The following CRYBA4 variants were observed in gnomAD, a reference collection of about 807,000 sequenced individuals.
CRYBA4 encodes the protein crystallin beta A4, also known as beta-crystallin A4.
A neutral mutation model predicts 31.7 loss-of-function variants in CRYBA4; 30 were observed. That is an observed-to-expected ratio of 0.95 (90% CI 0.71 to 1.28). The LOEUF (loss-of-function observed/expected upper bound fraction) is 1.28. CRYBA4 is among the 50% of genes most tolerant of loss of function. The pLI, the probability that CRYBA4 is intolerant of heterozygous loss-of-function variation, is 0.00. For missense variants in CRYBA4, 225 were observed against 260.7 expected (o/e 0.86, Z 0.94); for synonymous variants, 102 against 102.3 (o/e 1.00, Z 0.02).
At chr22:26,614,024 A>G in the CRYBA4 span, among the ~76,000 whole-genome samples, 2 of 152,204 alleles carry the variant, frequency 1.3e-5, no homozygotes, top group African/African-American at 4.8e-5. Context: ...CAGGCTTATT[A>G]GGAAGAGGAA....
chr22:26,610,007 C>G, the CRYBA4 span, among the ~76,000 whole-genome samples: 1 of 152,058 alleles, frequency 6.6e-6, no homozygotes, highest in Admixed American at 6.6e-5. Context: ...AACTGGAGGT[C>G]TAGGCTTCTG....
At chr22:26,612,780 G>GCTCCCA in the CRYBA4 span, among the ~76,000 whole-genome samples, 2,825 of 152,278 alleles carry the variant, frequency 0.019, 79 homozygotes, top group African/African-American at 0.065. Flanking sequence ...CCAGCTTGGA[G>GCTCCCA]CTCCCACTGC....
chr22:26,599,652 A>G, the CRYBA4 span: 3 of 1,614,144 alleles, frequency 1.9e-6, no homozygotes, highest in East Asian at 2.2e-5. Context: ...CGCGGTAGCC[A>G]GGATACTGAT....
the CRYBA4 span, among the ~76,000 whole-genome samples, chr22:26,611,696 G>A: frequency 3.9e-4 from 59 of 152,052 alleles, no homozygotes; most frequent in African/African-American, 1.3e-3. Context: ...GGATGGTCTC[G>A]ATCTCCTGAC....
At chr22:26,606,108 G>A in the CRYBA4 span, among the ~76,000 whole-genome samples, 11 of 152,206 alleles carry the variant, frequency 7.2e-5, no homozygotes, top group South Asian at 2.1e-4. Flanking sequence ...GGCCAGGGAA[G>A]CCAAAATATT....
At position 26,623,246 on chromosome 22, in the gene CRYBA4, G is replaced by A. The variant is rs748176612; in HGVS notation, c.52G>A (p.Asp18Asn). 1.9e-6 allele frequency: 3 copies of A among 1,613,474 alleles called. No homozygotes were observed. The highest frequency in any genetic ancestry group is 2.5e-6 in the Non-Finnish European group (3 of 1,179,938). The change falls in exon 3 of 6, where the codon GAT (aspartate) becomes AAT (asparagine). Residue 18 changes from aspartate to asparagine, a missense_variant. Transcript: ENST00000354760. Reference protein sequence around the residue: ...SAGPWKMVVWDEDGFQGRRHE... With the variant: ...SAGPWKMVVWNEDGFQGRRHE... The stretch of plus-strand genomic sequence containing the variant: ...TTTCCTGGCACAGATGGTGGTGTGG[G>A]ATGAGGACGGCTTCCAGGGCCGGCG...
At chr22:26,590,395 C>T in the CRYBA4 span, among the ~76,000 whole-genome samples, 3 of 152,288 alleles carry the variant, frequency 2.0e-5, no homozygotes, top group South Asian at 4.1e-4. Context: ...TTCCTTTCTG[C>T]CTGTAAGCAA....
At chr22:26,597,886 T>C in the CRYBA4 span, among the ~76,000 whole-genome samples, 668 of 152,234 alleles carry the variant, frequency 4.4e-3, 6 homozygotes, top group Non-Finnish European at 4.6e-3. Context: ...GTTGGTTTTT[T>C]TTCTTCTTTT....
intron 3 of CRYBA4, among the ~76,000 whole-genome samples, chr22:26,623,989 A>G (rs1326419105): frequency 6.6e-6 from 1 of 152,270 alleles, no homozygotes; most frequent in African/African-American, 2.4e-5. Context: ...CAGCATGAGT[A>G]GAGAACTGAA....
chr22:26,590,842 A>G, the CRYBA4 span, among the ~76,000 whole-genome samples: 705 of 152,344 alleles, frequency 4.6e-3, 1 homozygote, highest in Middle Eastern at 0.027. Flanking sequence ...CACAAATGAA[A>G]CAAAACTCCT....
the CRYBA4 span, among the ~76,000 whole-genome samples, chr22:26,600,126 G>T: frequency 3.3e-5 from 5 of 152,308 alleles, no homozygotes; most frequent in South Asian, 1.0e-3. Flanking sequence ...TCTTGGCTGG[G>T]CGCGGTGGCT....
intron 5 of CRYBA4, 137 bp downstream of exon 5, chr22:26,628,567 G>A: frequency 2.9e-6 from 3 of 1,028,424 alleles, no homozygotes; most frequent in Non-Finnish European, 4.3e-6. Context: ...GGCACAGGGA[G>A]GTATCAGGCA....
chr22:26,597,157 T>G, the CRYBA4 span, among the ~76,000 whole-genome samples: 1 of 152,178 alleles, frequency 6.6e-6, no homozygotes, highest in African/African-American at 2.4e-5. Flanking sequence ...CAGGGTGGGG[T>G]GTCATGAGGC....
the CRYBA4 span, among the ~76,000 whole-genome samples, chr22:26,604,416 C>T: frequency 6.6e-6 from 1 of 152,226 alleles, no homozygotes; most frequent in Non-Finnish European, 1.5e-5. Flanking sequence ...TTCACCACCA[C>T]TAGGAGGAAG....
At chr22:26,607,702 A>G in the CRYBA4 span, among the ~76,000 whole-genome samples, 3 of 152,148 alleles carry the variant, frequency 2.0e-5, no homozygotes, top group Admixed American at 6.5e-5. Flanking sequence ...CTAGCTGGGT[A>G]TGTAGTGAGT....
At chr22:26,622,310 A>T (rs1003846347) in intron 1 of CRYBA4, among the ~76,000 whole-genome samples, 2 of 151,840 alleles carry the variant, frequency 1.3e-5, no homozygotes, top group African/African-American at 2.4e-5. Flanking sequence ...AGCCACAAAA[A>T]TTTTCCCATA....
the CRYBA4 span, among the ~76,000 whole-genome samples, chr22:26,598,565 G>T: frequency 6.6e-6 from 1 of 151,950 alleles, no homozygotes; most frequent in African/African-American, 2.4e-5. Context: ...TGGAATTTTT[G>T]TAGAGATGGG....
At chr22:26,610,093 C>G in the CRYBA4 span, among the ~76,000 whole-genome samples, 1 of 152,124 alleles carries the variant, frequency 6.6e-6, no homozygotes, top group African/African-American at 2.4e-5. Flanking sequence ...TTCAGCAGGA[C>G]CAGTGAGGAT....
the CRYBA4 span, among the ~76,000 whole-genome samples, chr22:26,613,994 C>T: frequency 2.0e-5 from 3 of 152,170 alleles, no homozygotes; most frequent in Admixed American, 1.3e-4. Context: ...GAGATAGACT[C>T]CAGTCTCCCA....
Sources: allele counts gnomAD v4.1 joint callset (sites outside exome capture counted in the v4.1 genomes callset), GRCh38; gene constraint gnomAD v4.1.1; transcripts MANE v1.5; gene names NCBI Gene and HGNC (gene_info 2026-07-23, HGNC 2026-07-21).